The following AFAP1L1 variants were observed in gnomAD, a reference collection of about 807,000 sequenced individuals.
AFAP1L1 encodes actin filament-associated protein 1-like 1.
AFAP1L1 carries 77 observed loss-of-function variants against 99.8 expected under a neutral mutation model. The observed-to-expected ratio is 0.77, with a 90% CI of 0.64 to 0.93. The LOEUF (loss-of-function observed/expected upper bound fraction) is 0.93, where lower values mean the gene tolerates loss of function less well. Among genes scored for constraint, AFAP1L1 ranks in the 40% least tolerant of loss-of-function variants. AFAP1L1 has a pLI of 0.00. For synonymous variants in AFAP1L1, 373 were observed against 395.3 expected, an observed-to-expected ratio of 0.94 and a Z score of 0.67; for missense variants, 893 against 996.8, an observed-to-expected ratio of 0.90 and a Z score of 1.40.
chr5:149,308,067 T>G (rs1323151760), intron 7 of AFAP1L1, among the ~76,000 whole-genome samples: 1 of 151,988 alleles, frequency 6.6e-6, no homozygotes, highest in Non-Finnish European at 1.5e-5. Flanking sequence ...GAGAATCGCT[T>G]GAAACCAGAA....
At chr5:149,307,005 G>C (rs1300437815) in intron 6 of AFAP1L1, among the ~76,000 whole-genome samples, 1 of 152,072 alleles carries the variant, frequency 6.6e-6, no homozygotes, top group African/African-American at 2.4e-5. Context: ...CCAGCACTTT[G>C]GGAGGCCAAG....
rs28402716 is a variant in AFAP1L1 at position 149,337,236 on chromosome 5, A to G, written c.2283+1514A>G. ...TTCTGGGGATCTAATGTACAGAATC[A>G]TGGCTACAGTTAACAATACCATATT... On this transcript the variant is annotated intron_variant, in intron 18 of 18. Coordinates refer to ENST00000296721, the MANE Select transcript of AFAP1L1 (RefSeq NM_152406.4). Among the ~76,000 whole-genome samples the G allele has an allele frequency of 5.4e-3, 817 of 152,298 alleles. 10 individuals are homozygous for G. Among genetic ancestry groups the G allele is most frequent in the African/African-American group, 0.019 (774 of 41,574 alleles).
Position 149,320,570 on chromosome 5 carries a change from C to A in AFAP1L1, c.1698+107C>A. On this transcript the variant is annotated intron_variant, in intron 14 of 18. Transcript: ENST00000296721. The surrounding 1 kb of genome is among the most constrained non-coding windows in gnomAD (Gnocchi z 4.0). ...CTCAGAAAGATCATTTTCATTTAAG[C>A]AGCAGTAGCTAGAAGGGGAGCCCCT... 1.9e-6 allele frequency: 2 copies of A among 1,055,146 alleles called. No individual in the cohort carries two copies. Among genetic ancestry groups the A allele is most frequent in the Non-Finnish European group, 2.8e-6 (2 of 702,248 alleles). The allele number at this position is 1,055,146 out of a possible 1,614,324, so 65.4% of individuals were successfully genotyped here. A position where few individuals can be genotyped will look rare whatever the true frequency, so the allele number is the denominator to read the frequency against.
rs771375747 is a variant in AFAP1L1, at chr5:149,340,431, G to A, written c.*401G>A. ...TAAGGCAAAGGGAGGCAGTGCTGAA[G>A]CATTGGTGGTGCAGTGTAAAGAGAC... On this transcript the variant is annotated 3_prime_UTR_variant, in exon 19 of 19. Coordinates refer to ENST00000296721, the MANE Select transcript of AFAP1L1 (RefSeq NM_152406.4). 1 of 188,252 alleles carries A rather than the reference G, an allele frequency of 5.3e-6. No homozygotes were observed. The highest frequency in any genetic ancestry group is 1.1e-5 in the Non-Finnish European group (1 of 88,382). The allele number at this position is 188,252 out of a possible 1,614,324, so 11.7% of individuals were successfully genotyped here.
intron 1 of AFAP1L1, among the ~76,000 whole-genome samples, chr5:149,274,461 G>A (rs1755245987): frequency 6.6e-6 from 1 of 152,120 alleles, no homozygotes; most frequent in Non-Finnish European, 1.5e-5. Flanking sequence ...TTGTGGCTGG[G>A]CACACAAGAT....
chr5:149,315,453 C>G (rs1756765594), intron 9 of AFAP1L1, among the ~76,000 whole-genome samples: 1 of 152,196 alleles, frequency 6.6e-6, no homozygotes, highest in South Asian at 2.1e-4. Context: ...TGTCTGTCCC[C>G]ACAATGCCAC....
chr5:149,272,617 C>T (rs1755163791), intron 1 of AFAP1L1, among the ~76,000 whole-genome samples: 1 of 152,234 alleles, frequency 6.6e-6, no homozygotes, highest in Non-Finnish European at 1.5e-5. Context: ...AGACGTTTCA[C>T]AGAAGTGGAG....
At chr5:149,319,519 AACAGGTCTCCAGGAGCCCTG>A (rs1263045142) in intron 12 of AFAP1L1, 43 bp from the exon 13 acceptor site, 1 of 1,531,868 alleles carries the variant, frequency 6.5e-7, no homozygotes, top group Non-Finnish European at 8.8e-7. Context: ...GGCTGAAGTC[AACAGGTCTCCAGGAGCCCTG>A]ACAGTAGGAA....
intron 13 of AFAP1L1, 78 bp downstream of exon 13, chr5:149,319,805 T>G (rs1756902016): frequency 1.3e-6 from 2 of 1,557,356 alleles, no homozygotes; most frequent in East Asian, 4.7e-5. Context: ...AGTCCAGCCC[T>G]GGGCACTGGG....
intron 1 of AFAP1L1, among the ~76,000 whole-genome samples, chr5:149,281,131 C>G (rs996876261): frequency 6.6e-6 from 1 of 152,198 alleles, no homozygotes; most frequent in African/African-American, 2.4e-5. Context: ...TGTCACTTAG[C>G]AGTCATTCAC....
Position 149,332,775 on chromosome 5 carries a change from C to T in AFAP1L1, c.2056C>T (p.Leu686=). 1 of 1,613,648 alleles carries T rather than the reference C, an allele frequency of 6.2e-7. No individual in the cohort carries two copies. The highest frequency in any genetic ancestry group is 1.7e-5 in the Admixed American group (1 of 60,022). Reference sequence around the variant, plus strand: ...GGCAAAGGAGGAGCGCCGGATTGACCTGGAGCTGAAGCTGGTGGCTGTGAA... The same window carrying T: ...GGCAAAGGAGGAGCGCCGGATTGACTTGGAGCTGAAGCTGGTGGCTGTGAA... ...CRAKEERRID[L]ELKLVAVKER... The change falls in exon 17 of 19, where the codon CTG becomes TTG. Residue 686 remains leucine (L), a synonymous_variant. Transcript: ENST00000296721.
intron 10 of AFAP1L1, 28 bp from the exon 11 acceptor site, chr5:149,316,123 C>T (rs1756787188): frequency 1.2e-6 from 2 of 1,604,922 alleles, no homozygotes; most frequent in Non-Finnish European, 1.7e-6. Flanking sequence ...AGGGCTCCCT[C>T]CACTCCCCTG....
chr5:149,287,249 TA>T (rs1755712079), intron 1 of AFAP1L1, among the ~76,000 whole-genome samples: 1 of 152,130 alleles, frequency 6.6e-6, no homozygotes, highest in Admixed American at 6.5e-5. Context: ...ATTTTTAAAC[TA>T]AAAATTTAAA....
intron 1 of AFAP1L1, among the ~76,000 whole-genome samples, chr5:149,290,982 G>A (rs1435883856): frequency 2.6e-5 from 4 of 152,168 alleles, no homozygotes; most frequent in African/African-American, 9.7e-5. Flanking sequence ...AAATACATAA[G>A]TAAATACAAA....
chr5:149,296,425 A>T (rs139158992), intron 1 of AFAP1L1, among the ~76,000 whole-genome samples: 62 of 152,366 alleles, frequency 4.1e-4, no homozygotes, highest in African/African-American at 1.5e-3. Context: ...CCCCTGAGCC[A>T]TAACATCCTG....
chr5:149,337,509 T>C (rs1309896579), intron 18 of AFAP1L1, among the ~76,000 whole-genome samples: 3 of 152,238 alleles, frequency 2.0e-5, no homozygotes, highest in Non-Finnish European at 1.5e-5. Flanking sequence ...TGCTAAATGC[T>C]TGACACTTCA....
intron 14 of AFAP1L1, among the ~76,000 whole-genome samples, chr5:149,322,393 C>T (rs867250367): frequency 6.6e-6 from 1 of 152,150 alleles, no homozygotes; most frequent in South Asian, 2.1e-4. Flanking sequence ...TTTAGGGTTG[C>T]CTTCTGCTGC....
intron 1 of AFAP1L1, among the ~76,000 whole-genome samples, chr5:149,285,603 T>G (rs1755653731): frequency 6.6e-6 from 1 of 152,122 alleles, no homozygotes; most frequent in African/African-American, 2.4e-5. Context: ...CTCCCTAGCC[T>G]TCCTGAGGAG....
intron 12 of AFAP1L1, among the ~76,000 whole-genome samples, chr5:149,319,360 G>A (rs1395242736): frequency 1.3e-5 from 2 of 152,202 alleles, no homozygotes; most frequent in African/African-American, 4.8e-5. Flanking sequence ...TCATCAGGGA[G>A]GGCCTCCCTG....
Sources: gnomAD v4.1 joint callset for allele counts (sites outside exome capture counted in the v4.1 genomes callset) on GRCh38, gnomAD v4.1.1 for gene constraint, Gnocchi (gnomAD v3.1) non-coding constraint, MANE v1.5 for transcripts, NCBI Gene and HGNC (gene_info 2026-07-23, HGNC 2026-07-21) for gene names.